The following ERG variants were observed in gnomAD, a reference collection of about 807,000 sequenced individuals.
ERG encodes transcriptional regulator ERG.
A neutral mutation model predicts 55.3 loss-of-function variants in ERG; 9 were observed. The ratio of observed to expected loss-of-function variants is 0.16; its 90% CI spans 0.10 to 0.28. ERG has a LOEUF of 0.28. Among genes scored for constraint, ERG ranks in the 10% least tolerant of loss-of-function variants. The pLI is 1.00. For synonymous variants in ERG, 223 were observed against 237.3 expected (o/e 0.94, Z 0.55); for missense variants, 434 against 631.6 (o/e 0.69, Z 3.35).
At chr21:38,373,556 G>A in the ERG span, among the ~76,000 whole-genome samples, 2 of 152,146 alleles carry the variant, frequency 1.3e-5, no homozygotes, top group South Asian at 2.1e-4. Flanking sequence ...GCACTGGGAG[G>A]TTGAAAATGT....
At chr21:38,454,407 A>G (rs1349067424) in intron 1 of ERG, among the ~76,000 whole-genome samples, 2 of 152,172 alleles carry the variant, frequency 1.3e-5, no homozygotes, top group African/African-American at 4.8e-5. Context: ...GCTTGCCAGA[A>G]ATGCAGATTC....
At chr21:38,660,212 T>G (rs1026476592) in intron 1 of ERG, among the ~76,000 whole-genome samples, 1 of 152,182 alleles carries the variant, frequency 6.6e-6, no homozygotes, top group African/African-American at 2.4e-5. Context: ...AACCCTGATT[T>G]CCACTCCAGA....
At chr21:38,643,577 T>A (rs914926585) in intron 1 of ERG, among the ~76,000 whole-genome samples, 1 of 152,118 alleles carries the variant, frequency 6.6e-6, no homozygotes, top group African/African-American at 2.4e-5. Context: ...AACTCAGGTG[T>A]TCCGCAAAAC....
At chr21:38,580,962 T>C (rs1418970075) in intron 1 of ERG, among the ~76,000 whole-genome samples, 1 of 152,174 alleles carries the variant, frequency 6.6e-6, no homozygotes, top group East Asian at 1.9e-4. Context: ...GGGATGCATA[T>C]AGTCACGTGG....
Position 38,380,456 on chromosome 21 carries a change from G to A in ERG, c.*2947C>T, listed in dbSNP as rs1987372770. 1 of 1,064,414 alleles carries A rather than the reference G, an allele frequency of 9.4e-7. No individual in the cohort carries two copies. The highest frequency in any genetic ancestry group is 1.1e-6 in the Non-Finnish European group (1 of 878,792). 65.9% of individuals were successfully genotyped at this position (1,064,414 alleles called of 1,614,324 possible). A position where few individuals can be genotyped will look rare whatever the true frequency, so the allele number is the denominator to read the frequency against. The stretch of plus-strand genomic sequence containing the variant: ...ATTTGGTGATTTTACCACATACAAG[G>A]CCCGAAAGCCAATTGAAGACAAGAA... On this transcript the variant is annotated 3_prime_UTR_variant, in exon 10 of 10. Transcript: ENST00000288319.
At chr21:38,519,990 C>CACACACACACACATACAG (rs1491008534) in intron 2 of ERG, among the ~76,000 whole-genome samples, 2 of 150,870 alleles carry the variant, frequency 1.3e-5, no homozygotes, top group African/African-American at 4.9e-5. Flanking sequence ...CCCATGTCAC[C>CACACACACACACATACAG]ACACACACAC....
At chr21:38,650,250 A>C (rs1422713849) in intron 1 of ERG, among the ~76,000 whole-genome samples, 1 of 152,244 alleles carries the variant, frequency 6.6e-6, no homozygotes, top group Non-Finnish European at 1.5e-5. Flanking sequence ...TGGAACTAAA[A>C]ACAAATTTCT....
At chr21:38,545,764 A>G (rs1293433494) in intron 2 of ERG, among the ~76,000 whole-genome samples, 1 of 152,152 alleles carries the variant, frequency 6.6e-6, no homozygotes, top group East Asian at 1.9e-4. Context: ...TCCACTGAAA[A>G]AGCTTTCATG....
At chr21:38,471,940 C>G (rs563126194) in intron 1 of ERG, 1 of 152,228 alleles carries the variant, frequency 6.6e-6, no homozygotes, top group African/African-American at 2.4e-5. Flanking sequence ...CAGGCTCAGA[C>G]AAGATCTTTA....
chr21:38,568,274 C>T (rs2059935652), intron 2 of ERG, among the ~76,000 whole-genome samples: 1 of 151,910 alleles, frequency 6.6e-6, no homozygotes, highest in African/African-American at 2.4e-5. Context: ...ATATAATTAA[C>T]ATGGTGTGCA....
At chr21:38,595,034 A>T (rs1601292092) in intron 1 of ERG, among the ~76,000 whole-genome samples, 1 of 152,232 alleles carries the variant, frequency 6.6e-6, no homozygotes, top group Non-Finnish European at 1.5e-5. Flanking sequence ...AAAATGAAGA[A>T]GCAGGAGAGC....
At chr21:38,434,060 A>G (rs564657152) in intron 2 of ERG, among the ~76,000 whole-genome samples, 2 of 152,100 alleles carry the variant, frequency 1.3e-5, no homozygotes, top group African/African-American at 4.8e-5. Flanking sequence ...CAAGCTGCCC[A>G]TGTCCAACCT....
At chr21:38,540,528 A>C (rs2059744869) in intron 2 of ERG, among the ~76,000 whole-genome samples, 1 of 152,152 alleles carries the variant, frequency 6.6e-6, no homozygotes, top group Admixed American at 6.5e-5. Context: ...TCCTGACATC[A>C]AATGATTCCC....
chr21:38,469,310 A>G (rs886468292), intron 1 of ERG, among the ~76,000 whole-genome samples: 1 of 152,162 alleles, frequency 6.6e-6, no homozygotes, highest in Non-Finnish European at 1.5e-5. Flanking sequence ...CCCCGTGATA[A>G]AATTTAAACG....
intron 1 of ERG, among the ~76,000 whole-genome samples, chr21:38,618,981 A>T (rs1451185923): frequency 6.6e-6 from 1 of 152,242 alleles, no homozygotes; most frequent in African/African-American, 2.4e-5. Flanking sequence ...AGGACCTGAA[A>T]CATGAAGTAG....
intron 1 of ERG, among the ~76,000 whole-genome samples, chr21:38,466,382 T>C (rs2059090573): frequency 6.6e-6 from 1 of 151,800 alleles, no homozygotes; most frequent in African/African-American, 2.4e-5. Flanking sequence ...TATATATATA[T>C]AAATCATCTC....
At chr21:38,550,849 A>G (rs2059819761) in intron 2 of ERG, among the ~76,000 whole-genome samples, 2 of 152,232 alleles carry the variant, frequency 1.3e-5, no homozygotes, top group Non-Finnish European at 2.9e-5. Context: ...ACAAAAAAAC[A>G]TAAGGCAGAT....
intron 2 of ERG, among the ~76,000 whole-genome samples, chr21:38,438,932 G>A (rs1351688846): frequency 1.3e-5 from 2 of 152,206 alleles, no homozygotes; most frequent in African/African-American, 4.8e-5. Context: ...CTAGGGCAGG[G>A]CCTAAGAAGC....
chr21:38,504,906 T>C (rs577456498), intron 2 of ERG, among the ~76,000 whole-genome samples: 6 of 152,244 alleles, frequency 3.9e-5, no homozygotes, highest in Non-Finnish European at 7.3e-5. Context: ...TCTTAATCTG[T>C]CACTATTTTA....
Sources: gnomAD v4.1 joint callset for allele counts (sites outside exome capture counted in the v4.1 genomes callset) on GRCh38, gnomAD v4.1.1 for gene constraint, MANE v1.5 for transcripts, NCBI Gene and HGNC (gene_info 2026-07-23, HGNC 2026-07-21) for gene names.